WWOX: variants seen among roughly 807,000 people sequenced by gnomAD.
WWOX encodes WW domain-containing oxidoreductase.
Under a neutral mutation model 46.2 loss-of-function variants are expected in WWOX, and 69 were observed. The observed-to-expected ratio is 1.49, with a 90% CI of 1.23 to 1.82. WWOX has a LOEUF of 1.82. Among genes scored for constraint, WWOX ranks in the 40% most tolerant of loss-of-function variants. WWOX has a pLI of 0.00. For missense variants in WWOX, 919 were observed against 542.6 expected (o/e 1.69, Z -6.89); for synonymous variants, 359 against 202.6 (o/e 1.77, Z -6.56).
At chr16:78,122,251 G>T (rs1249009820) in intron 4 of WWOX, among the ~76,000 whole-genome samples, 2 of 152,118 alleles carry the variant, frequency 1.3e-5, no homozygotes, top group Non-Finnish European at 1.5e-5. Flanking sequence ...GATAAGGGGG[G>T]GCTACTGTCA....
chr16:78,309,666 C>G (rs561763461), intron 5 of WWOX, among the ~76,000 whole-genome samples: 1 of 152,134 alleles, frequency 6.6e-6, no homozygotes, highest in South Asian at 2.1e-4. Flanking sequence ...TTGTTTGGGT[C>G]GGGAATAAAC....
intron 8 of WWOX, among the ~76,000 whole-genome samples, chr16:78,944,157 T>A (rs2045905298): frequency 1.3e-5 from 2 of 152,208 alleles, no homozygotes; most frequent in East Asian, 3.8e-4. Context: ...TGTTGTTGAT[T>A]GATTTTTGTC....
At chr16:78,196,350 C>T (rs2036051430) in intron 5 of WWOX, among the ~76,000 whole-genome samples, 1 of 152,064 alleles carries the variant, frequency 6.6e-6, no homozygotes, top group Non-Finnish European at 1.5e-5. Context: ...TCTTTTCATT[C>T]TAATTCCCTG....
intron 8 of WWOX, among the ~76,000 whole-genome samples, chr16:78,529,423 T>A (rs2043564540): frequency 6.6e-6 from 1 of 152,094 alleles, no homozygotes; most frequent in Non-Finnish European, 1.5e-5. Context: ...TTTCTTTCTG[T>A]CGGGTCCCGT....
intron 8 of WWOX, among the ~76,000 whole-genome samples, chr16:79,102,167 G>C: frequency 6.6e-6 from 1 of 151,984 alleles, no homozygotes; most frequent in East Asian, 1.9e-4. Flanking sequence ...TGAGGAATCA[G>C]TGAGAAATGT....
chr16:78,843,737 C>A lies in WWOX; in HGVS notation c.1057-367871C>A, dbSNP rs1284796069. On this transcript the variant is annotated intron_variant, in intron 8 of 8. Coordinates refer to ENST00000566780, the MANE Select transcript of WWOX (RefSeq NM_016373.4). ...AGTAAGTCCACAAAACAAAGACAGC[C>A]AGCATAACTGTTGCATCAAATATTT... Among the ~76,000 whole-genome samples, 5 of 152,164 alleles carry A rather than the reference C, an allele frequency of 3.3e-5. No homozygotes were observed. The South Asian group carries it at 6.2e-4, about 19-fold the overall frequency.
chr16:78,670,911 A>G (rs930731898), intron 8 of WWOX, among the ~76,000 whole-genome samples: 1 of 151,974 alleles, frequency 6.6e-6, no homozygotes, highest in Non-Finnish European at 1.5e-5. Flanking sequence ...GAATGTCCTT[A>G]GCAGAGACAG....
At chr16:79,185,806 C>T (rs1395514823) in intron 8 of WWOX, among the ~76,000 whole-genome samples, 2 of 152,080 alleles carry the variant, frequency 1.3e-5, no homozygotes, top group Admixed American at 6.5e-5. Flanking sequence ...TAGAATGCAT[C>T]GGACACTGCC....
At chr16:79,137,108 C>T (rs142568464) in intron 8 of WWOX, among the ~76,000 whole-genome samples, 47 of 152,288 alleles carry the variant, frequency 3.1e-4, no homozygotes, top group African/African-American at 1.0e-3. Flanking sequence ...AATATTCTCA[C>T]GCTTCCAGAA....
intron 8 of WWOX, among the ~76,000 whole-genome samples, chr16:78,963,473 C>G (rs975709451): frequency 2.0e-5 from 3 of 152,118 alleles, no homozygotes; most frequent in Non-Finnish European, 4.4e-5. Context: ...GTCTCAGAAA[C>G]AAAAACAAAT....
chr16:78,222,176 C>G (rs1004057086), intron 5 of WWOX, among the ~76,000 whole-genome samples: 4 of 152,122 alleles, frequency 2.6e-5, no homozygotes, highest in Admixed American at 2.6e-4. Flanking sequence ...AAGATGGCCG[C>G]TGGAAAAGAA....
intron 6 of WWOX, among the ~76,000 whole-genome samples, chr16:78,416,824 C>T (rs1475537885): frequency 2.6e-5 from 4 of 152,198 alleles, no homozygotes; most frequent in East Asian, 3.8e-4. Context: ...CAGCAAGATA[C>T]TGGGGCTTTA....
chr16:78,874,175 G>A (rs2044185899), intron 8 of WWOX, among the ~76,000 whole-genome samples: 1 of 150,496 alleles, frequency 6.6e-6, no homozygotes, highest in African/African-American at 2.5e-5. Flanking sequence ...AGAATCGCTT[G>A]AACCCAGGAG....
At chr16:78,705,971 G>C (rs112849072) in intron 8 of WWOX, among the ~76,000 whole-genome samples, 35 of 151,328 alleles carry the variant, frequency 2.3e-4, no homozygotes, top group African/African-American at 8.2e-4. Context: ...GATGCTGTGC[G>C]TACAGCAGTG....
intron 8 of WWOX, among the ~76,000 whole-genome samples, chr16:79,170,120 C>T (rs139153268): frequency 6.6e-6 from 1 of 152,208 alleles, no homozygotes; most frequent in Non-Finnish European, 1.5e-5. Flanking sequence ...TTCATCATCT[C>T]TGGAAAAGTT....
intron 8 of WWOX, chr16:79,101,649 G>A (rs1287056968): frequency 1.3e-5 from 2 of 151,250 alleles, no homozygotes; most frequent in Non-Finnish European, 2.9e-5. Context: ...AACACGCCGT[G>A]CTTTCCAGAA....
chr16:78,278,224 G>A (rs183395200), intron 5 of WWOX, among the ~76,000 whole-genome samples: 16 of 152,272 alleles, frequency 1.1e-4, no homozygotes, highest in Admixed American at 5.2e-4. Context: ...TGTATACAGT[G>A]AAATAATATC....
chr16:78,768,763 A>G (rs2049989261), intron 8 of WWOX, among the ~76,000 whole-genome samples: 1 of 152,048 alleles, frequency 6.6e-6, no homozygotes, highest in African/African-American at 2.4e-5. Flanking sequence ...TGCTCATTTC[A>G]CAGCTTGCTG....
chr16:78,782,427 G>A (rs1391069025), intron 8 of WWOX, among the ~76,000 whole-genome samples: 1 of 152,080 alleles, frequency 6.6e-6, no homozygotes, highest in Non-Finnish European at 1.5e-5. Flanking sequence ...CTTATGCTGG[G>A]GCAACGCTAC....
Sources: allele counts gnomAD v4.1 joint callset (sites outside exome capture counted in the v4.1 genomes callset), GRCh38; gene constraint gnomAD v4.1.1; transcripts MANE v1.5; gene names NCBI Gene and HGNC (gene_info 2026-07-23, HGNC 2026-07-21).